The following LUZP2 variants were observed in gnomAD, a reference collection of about 807,000 sequenced individuals.
The protein encoded by LUZP2 is leucine zipper protein 2.
Under a neutral mutation model 51.6 loss-of-function variants are expected in LUZP2, and 52 were observed. The observed-to-expected ratio is 1.01, with a 90% CI of 0.81 to 1.27. LUZP2 has a LOEUF of 1.27. Among genes scored for constraint, LUZP2 ranks in the 50% most tolerant of loss-of-function variants. The pLI is 0.00. For missense variants in LUZP2, 436 were observed against 395.4 expected (o/e 1.10, Z -0.87); for synonymous variants, 154 against 137.3 (o/e 1.12, Z -0.85).
chr11:24,905,157 G>A (rs916871307), intron 5 of LUZP2, among the ~76,000 whole-genome samples: 1 of 152,094 alleles, frequency 6.6e-6, no homozygotes, highest in Non-Finnish European at 1.5e-5. Flanking sequence ...TTGTTGTGAT[G>A]TAAGAATAGT....
chr11:24,596,774 G>C (rs182107100), intron 1 of LUZP2, among the ~76,000 whole-genome samples: 34 of 152,274 alleles, frequency 2.2e-4, no homozygotes, highest in African/African-American at 7.7e-4. Flanking sequence ...TCAAGAACCA[G>C]GTGTTCTCCG....
chr11:24,509,627 T>A (rs542379420), intron 1 of LUZP2, among the ~76,000 whole-genome samples: 23 of 150,098 alleles, frequency 1.5e-4, no homozygotes, highest in Non-Finnish European at 3.0e-4. Flanking sequence ...ATATATAACA[T>A]ATTATATGTT....
chr11:24,929,981 ATGTC>A (rs1854396966), intron 7 of LUZP2, among the ~76,000 whole-genome samples: 1 of 152,142 alleles, frequency 6.6e-6, no homozygotes, highest in African/African-American at 2.4e-5. Flanking sequence ...TCATGAGATA[ATGTC>A]TGTCTTCGAC....
intron 10 of LUZP2, among the ~76,000 whole-genome samples, chr11:25,064,127 C>A (rs1211502048): frequency 6.8e-6 from 1 of 146,518 alleles, no homozygotes; most frequent in Admixed American, 6.7e-5. Context: ...CTAGGTTGTA[C>A]ATTTTCAATT....
At chr11:24,824,992 AG>A (rs1223652931) in intron 5 of LUZP2, among the ~76,000 whole-genome samples, 4 of 152,160 alleles carry the variant, frequency 2.6e-5, no homozygotes, top group African/African-American at 9.7e-5. Context: ...AAACAATGTT[AG>A]ATCTGATGCT....
chr11:24,876,579 G>A (rs556567585), intron 5 of LUZP2, among the ~76,000 whole-genome samples: 13 of 147,720 alleles, frequency 8.8e-5, no homozygotes, highest in East Asian at 4.1e-4. Context: ...TTGGCGATGC[G>A]GGCTCTTTTT....
intron 9 of LUZP2, among the ~76,000 whole-genome samples, chr11:25,027,727 G>A (rs146767898): frequency 5.9e-4 from 90 of 152,000 alleles, no homozygotes; most frequent in African/African-American, 2.0e-3. Context: ...AAAATTAGCC[G>A]GGCGTGGTGG....
At chr11:24,999,316 AGGGAAGAAGAAG>A (rs1363056127) in intron 9 of LUZP2, among the ~76,000 whole-genome samples, 5 of 151,970 alleles carry the variant, frequency 3.3e-5, no homozygotes, top group Non-Finnish European at 5.9e-5. Flanking sequence ...CAATGAGAGA[AGGGAAGAAGAAG>A]GGGAAGAAGA....
chr11:25,047,865 T>C (rs10219420), intron 9 of LUZP2, among the ~76,000 whole-genome samples: 145,943 of 152,212 alleles, frequency 0.96, 70,249 homozygotes, highest in East Asian at 1. Context: ...CTATGCCGGG[T>C]AAGAGTGCAG....
At position 24,680,661 on chromosome 11, in the gene LUZP2, T is replaced by A. The variant is rs1590339416; in HGVS notation, c.63-48508T>A. Among the ~76,000 whole-genome samples the A allele has an allele frequency of 2.0e-5, 3 of 152,296 alleles. No individual in the cohort carries two copies. In the East Asian group the frequency reaches 5.8e-4, roughly 29 times the overall value. On this transcript the variant is annotated intron_variant, in intron 1 of 11. Transcript: ENST00000336930. ...AAAAATTTTGGTGTGGGGCCAGTAA[T>A]AACAGTCCTTTATGTTCAACACAAT...
chr11:24,641,853 T>C (rs1321769084), intron 1 of LUZP2, among the ~76,000 whole-genome samples: 1 of 151,858 alleles, frequency 6.6e-6, no homozygotes, highest in African/African-American at 2.4e-5. Context: ...CAAAATCAAA[T>C]AGTTCTCGAA....
Position 24,807,256 on chromosome 11 carries a change from A to T in LUZP2, c.396+43948A>T, listed in dbSNP as rs1011823958. Among the ~76,000 whole-genome samples, 3 of 152,094 alleles carry T rather than the reference A, an allele frequency of 2.0e-5. No homozygotes were observed. The East Asian group carries it at 5.8e-4, about 30-fold the overall frequency. ...GGTGGGCAGATCACCTGAGGTCAGG[A>T]TTTCTGAAACCAGCCTGACTAACAC... On this transcript the variant is annotated intron_variant, in intron 5 of 11. Transcript: ENST00000336930.
chr11:24,502,105 C>T (rs1421866449), intron 1 of LUZP2, among the ~76,000 whole-genome samples: 1 of 140,330 alleles, frequency 7.1e-6, no homozygotes, highest in Non-Finnish European at 1.5e-5. Flanking sequence ...TGAGTTCATC[C>T]GTGGAAACAG....
intron 1 of LUZP2, among the ~76,000 whole-genome samples, chr11:24,661,330 A>G (rs973941272): frequency 7.2e-5 from 11 of 152,224 alleles, no homozygotes; most frequent in Admixed American, 5.9e-4. Context: ...TGCTAATTGG[A>G]AAAAGAATCC....
intron 1 of LUZP2, among the ~76,000 whole-genome samples, chr11:24,560,638 G>A (rs567255289): frequency 9.2e-5 from 14 of 152,048 alleles, no homozygotes; most frequent in African/African-American, 1.9e-4. Context: ...CTTTTAAATC[G>A]TTTGGTATAG....
intron 10 of LUZP2, among the ~76,000 whole-genome samples, chr11:25,053,618 T>C (rs1214939471): frequency 1.3e-5 from 2 of 152,044 alleles, no homozygotes; most frequent in Admixed American, 1.3e-4. Flanking sequence ...ATGGTTTCTT[T>C]TTGTATTTGT....
chr11:24,566,713 A>G (rs1428239349), intron 1 of LUZP2, among the ~76,000 whole-genome samples: 3 of 146,568 alleles, frequency 2.0e-5, no homozygotes, highest in Non-Finnish European at 4.5e-5. Flanking sequence ...GTGTGTGTGT[A>G]TATATATGTA....
At chr11:24,777,970 C>T (rs1848985896) in intron 5 of LUZP2, among the ~76,000 whole-genome samples, 1 of 151,904 alleles carries the variant, frequency 6.6e-6, no homozygotes, top group Non-Finnish European at 1.5e-5. Context: ...ATATAGTAGG[C>T]ACTTGATAAA....
intron 1 of LUZP2, among the ~76,000 whole-genome samples, chr11:24,661,204 A>G (rs1218072666): frequency 1.3e-5 from 2 of 152,132 alleles, no homozygotes; most frequent in African/African-American, 2.4e-5. Flanking sequence ...TACAACATGT[A>G]TTTTTACCTT....
Sources: gnomAD v4.1 joint callset for allele counts (sites outside exome capture counted in the v4.1 genomes callset) on GRCh38, gnomAD v4.1.1 for gene constraint, MANE v1.5 for transcripts, NCBI Gene and HGNC (gene_info 2026-07-23, HGNC 2026-07-21) for gene names.